UTP20: variants seen among roughly 807,000 people sequenced by gnomAD.
The protein encoded by UTP20 is UTP20 small subunit processome component, also known as small subunit processome component 20 homolog.
UTP20 carries 164 observed loss-of-function variants against 329.5 expected under a neutral mutation model. The observed-to-expected ratio is 0.50, with a 90% CI of 0.44 to 0.57. The LOEUF (loss-of-function observed/expected upper bound fraction) is 0.57. UTP20 is among the 20% of genes least tolerant of loss of function. UTP20 has a pLI of 0.00. For missense variants in UTP20, 3,055 were observed against 3,284.2 expected (o/e 0.93, Z 1.71); for synonymous variants, 1,151 against 1,159.3 (o/e 0.99, Z 0.14).
chr12:101,335,420 A>C (rs556344548), intron 29 of UTP20, among the ~76,000 whole-genome samples: 1 of 152,340 alleles, frequency 6.6e-6, no homozygotes, highest in Non-Finnish European at 1.5e-5. Context: ...TGTGAAACAC[A>C]CCAGATAGTT....
At chr12:101,310,478 G>C (rs900255813) in intron 19 of UTP20, among the ~76,000 whole-genome samples, 1 of 147,096 alleles carries the variant, frequency 6.8e-6, no homozygotes, top group African/African-American at 2.6e-5. Flanking sequence ...AGGAGGCTGA[G>C]GCAGGAGAAT....
chr12:101,364,403 C>T (rs1260833453), intron 45 of UTP20, among the ~76,000 whole-genome samples: 2 of 152,164 alleles, frequency 1.3e-5, no homozygotes, highest in African/African-American at 4.8e-5. Context: ...CATTATCTCT[C>T]CTAATCTGCA....
chr12:101,320,184 C>G (rs1327455403), intron 23 of UTP20, among the ~76,000 whole-genome samples: 1 of 152,178 alleles, frequency 6.6e-6, no homozygotes. Context: ...TATTGACTAT[C>G]ATTACCTTCA....
chr12:101,373,620 C>A lies in UTP20; in HGVS notation c.6984C>A (p.Ile2328=). 1.2e-6 allele frequency: 2 copies of A among 1,612,198 alleles called. No homozygotes were observed. Among genetic ancestry groups the A allele is most frequent in the Non-Finnish European group, 1.7e-6 (2 of 1,179,526 alleles). ...ATGAGAACTGCGGAATGTTCTTTAT[C>A]CCTCTTTGTCTAATGACGATCAATG... is the stretch of plus-strand genomic sequence containing the variant. The part of the protein sequence containing the change: ...LLHENCGMFF[I]PLCLMTINDD... The change falls in exon 54 of 62, where the codon ATC becomes ATA. Residue 2328 remains isoleucine, a synonymous_variant. Transcript: ENST00000261637.
At position 101,365,618 on chromosome 12, in the gene UTP20, A is replaced by G. The variant is rs1419953921; in HGVS notation, c.6118A>G (p.Lys2040Glu). Residue 2040 changes from lysine (K) to glutamate (E), a missense_variant, in exon 46 of 62, where the codon AAA becomes GAA. Coordinates refer to ENST00000261637, the MANE Select transcript of UTP20 (RefSeq NM_014503.3). ...TGAAAATCTTCCCCTGTTAACAGAGAAAGAAAAGTAAGTTGGAAAAAAAAC... is the reference window on the plus strand; with the variant it reads ...TGAAAATCTTCCCCTGTTAACAGAGGAAGAAAAGTAAGTTGGAAAAAAAAC... Reference protein sequence around the residue: ...ISENLPLLTEKEKNPVAPAPD... With the variant: ...ISENLPLLTEEEKNPVAPAPD... 1.9e-6 allele frequency: 3 copies of G among 1,560,568 alleles called. No homozygotes were observed. The highest frequency in any genetic ancestry group is 2.6e-6 in the Non-Finnish European group (3 of 1,159,250).
intron 46 of UTP20, 118 bp from the exon 47 acceptor site, chr12:101,366,440 C>A: frequency 7.5e-7 from 1 of 1,341,020 alleles, no homozygotes; most frequent in Non-Finnish European, 1.0e-6. Flanking sequence ...GGGCAAAACC[C>A]AAGCAAATGG....
rs577310747 is a variant in UTP20 at position 101,327,089 on chromosome 12, A to G, written c.3050A>G (p.Tyr1017Cys). Residue 1017 changes from tyrosine (Y) to cysteine (C), a missense_variant, in exon 26 of 62, where the codon TAT becomes TGT. Physicochemically the swap from Tyr to Cys is radical, Grantham distance 194. Around this residue, in one of 3 missense-constraint regions of UTP20, gnomAD observed 2,445 missense variants for 2,575.5 expected, o/e 0.95. Coordinates refer to ENST00000261637, the MANE Select transcript of UTP20 (RefSeq NM_014503.3). ...TGCTTTTGCCTTTTCAGAATTTTGT[A>G]TGGGCGAATGAAGAATAAGACTGGG... Reference protein sequence around the residue: ...DLFPILMRILYGRMKNKTGSK... With the variant: ...DLFPILMRILCGRMKNKTGSK... 10 of 1,594,544 alleles carry G rather than the reference A, an allele frequency of 6.3e-6. No homozygotes were observed. In the South Asian group the frequency reaches 6.7e-5, roughly 11 times the overall value.
At chr12:101,381,545 GA>G (rs1343412959) in intron 58 of UTP20, among the ~76,000 whole-genome samples, 1 of 151,932 alleles carries the variant, frequency 6.6e-6, no homozygotes, top group African/African-American at 2.4e-5. Context: ...CAGAAATAAA[GA>G]AGGGGCCTAT....
Position 101,357,064 on chromosome 12 carries a change from T to C in UTP20, c.5673T>C (p.Thr1891=). The C allele has an allele frequency of 1.2e-6, 2 of 1,610,832 alleles. No individual in the cohort carries two copies. The highest frequency in any genetic ancestry group is 1.7e-5 in the Admixed American group (1 of 59,172). ...ATGTTTTAAAAGAATTACAGACTAC[T>C]CTTGTCCGTGGATACCAGGTAAATT... ...LLYVLKELQT[T]LVRGYQVHVL... The change falls in exon 43 of 62, where the codon ACT becomes ACC. Residue 1891 remains threonine, a synonymous_variant. Transcript: ENST00000261637.
chr12:101,344,760 T>C lies in UTP20; in HGVS notation c.4605+10T>C. On this transcript the variant is annotated intron_variant, in intron 36 of 61. Coordinates refer to ENST00000261637, the MANE Select transcript of UTP20 (RefSeq NM_014503.3). The stretch of plus-strand genomic sequence containing the variant: ...GAAGAGCCAGACAGAGGTATATAAC[T>C]TTGTGTTTTAGGCACTACTGTCTGA... 1 of 1,611,262 alleles carries C rather than the reference T, an allele frequency of 6.2e-7. No homozygotes were observed. The highest frequency in any genetic ancestry group is 1.1e-5 in the South Asian group (1 of 90,742).
At chr12:101,342,686 GT>G (rs1869181138) in intron 33 of UTP20, 97 bp downstream of exon 33, 2 of 1,531,892 alleles carry the variant, frequency 1.3e-6, no homozygotes, top group South Asian at 1.2e-5. Context: ...CCAGGGTGAT[GT>G]TTTTATATGA....
intron 25 of UTP20, among the ~76,000 whole-genome samples, chr12:101,326,254 A>G (rs1479958416): frequency 6.6e-6 from 1 of 152,212 alleles, no homozygotes; most frequent in African/African-American, 2.4e-5. Context: ...ACTGGATACT[A>G]TAGTTACAAA....
intron 6 of UTP20, 36 bp downstream of exon 6, chr12:101,289,077 T>A: frequency 6.4e-7 from 1 of 1,573,696 alleles, no homozygotes; most frequent in Non-Finnish European, 8.7e-7. Flanking sequence ...TTGCTAATCA[T>A]CAAGAATCTG....
At chr12:101,295,375 A>G (rs1872313669) in intron 11 of UTP20, 105 bp from the exon 12 acceptor site, 2 of 1,069,544 alleles carry the variant, frequency 1.9e-6, no homozygotes, top group Non-Finnish European at 2.6e-6. Flanking sequence ...GTCTAATGCC[A>G]TTGTGATTCT....
chr12:101,378,857 G>C (rs74632989), intron 56 of UTP20, among the ~76,000 whole-genome samples: 12,259 of 152,220 alleles, frequency 0.081, 655 homozygotes, highest in Middle Eastern at 0.15. Flanking sequence ...TCTAGGAGTT[G>C]GTTTTCTAGT....
At chr12:101,356,856 T>C in intron 42 of UTP20, 70 bp from the exon 43 acceptor site, 2 of 1,517,096 alleles carry the variant, frequency 1.3e-6, no homozygotes, top group Non-Finnish European at 1.8e-6. Context: ...ATTAAGAGAC[T>C]AAAGGATATG....
rs147946096 is a variant in UTP20 at position 101,340,606 on chromosome 12, C to T, written c.4097C>T (p.Ala1366Val). Residue 1366 changes from alanine (A) to valine (V), a missense_variant, in exon 32 of 62, where the codon GCT (alanine) becomes GTT (valine). Coordinates refer to ENST00000261637, the MANE Select transcript of UTP20 (RefSeq NM_014503.3). ...LLPFLHRGNI[A>V]EDTEVDILVT... ...CCATTCCTCCACCGTGGCAATATTG[C>T]TGAGGTACAAACTCATAGGACACTT... 8.5e-5 allele frequency: 137 copies of T among 1,605,750 alleles called. No individual in the cohort carries two copies. Among genetic ancestry groups the T allele is most frequent in the Non-Finnish European group, 1.1e-4 (133 of 1,173,394 alleles).
Position 101,332,935 on chromosome 12 carries a change from T to A in UTP20, c.3418-366T>A, listed in dbSNP as rs556602357. Reference sequence around the variant, plus strand: ...AGGCATTATGTTGGGAAAAAAATTTTAAAAAAAAGTTTTGCTTTGTTTAGA... The same window carrying A: ...AGGCATTATGTTGGGAAAAAAATTTAAAAAAAAAGTTTTGCTTTGTTTAGA... On this transcript the variant is annotated intron_variant, in intron 27 of 61. Transcript: ENST00000261637. Among the ~76,000 whole-genome samples, 45 of 152,232 alleles carry A rather than the reference T, an allele frequency of 3.0e-4. 1 individual carries two copies. The highest frequency in any genetic ancestry group is 6.3e-4 in the African/African-American group (26 of 41,544).
intron 1 of UTP20, among the ~76,000 whole-genome samples, 171 bp from the exon 2 acceptor site, chr12:101,280,945 C>T (rs1871776734): frequency 6.6e-6 from 1 of 152,152 alleles, no homozygotes; most frequent in African/African-American, 2.4e-5. Flanking sequence ...TAGAAGTATT[C>T]ATTATCTTTG....
Sources: gnomAD v4.1 joint callset for allele counts (sites outside exome capture counted in the v4.1 genomes callset) on GRCh38, gnomAD v4.1.1 for gene constraint, gnomAD v4.1.1 regional missense constraint, MANE v1.5 for transcripts, NCBI Gene and HGNC (gene_info 2026-07-23, HGNC 2026-07-21) for gene names.